The following GNAS variants were observed in gnomAD, a reference collection of about 807,000 sequenced individuals.
GNAS encodes GNAS complex locus.
In GNAS, 8 loss-of-function variants were observed where a neutral mutation model predicts 54.5. The observed-to-expected ratio is 0.15, with a 90% CI of 0.09 to 0.26. The LOEUF (loss-of-function observed/expected upper bound fraction) is 0.26. GNAS is among the 10% of genes least tolerant of loss of function. The probability of loss-of-function intolerance (pLI) is 1.00; values close to 1 mark genes in which losing one functional copy is unlikely to be tolerated. For missense variants in GNAS, 170 were observed against 529.8 expected, an observed-to-expected ratio of 0.32 and a Z score of 6.67; for synonymous variants, 204 against 191.4, an observed-to-expected ratio of 1.07 and a Z score of -0.54.
At chr20:58,845,582 C>A (rs1463531284) in intron 1 of GNAS, among the ~76,000 whole-genome samples, 1 of 152,120 alleles carries the variant, frequency 6.6e-6, no homozygotes, top group Admixed American at 6.5e-5. Flanking sequence ...TGATGTAGCA[C>A]CCATTTTTGT....
Position 58,841,523 on chromosome 20 carries a change from C to T in GNAS, c.43+637C>T, listed in dbSNP as rs2085727557. Reference sequence around the variant, plus strand: ...AAGCCGCGGGACCTCCGCGCCAGTGCCTCCAGCTGCCGTGCGCCAGCCTTG... The same window carrying T: ...AAGCCGCGGGACCTCCGCGCCAGTGTCTCCAGCTGCCGTGCGCCAGCCTTG... On this transcript the variant is annotated intron_variant, in intron 1 of 12. Coordinates refer to the GNAS transcript ENST00000306090. The surrounding 1 kb of genome is among the most constrained non-coding windows in gnomAD (Gnocchi z 5.0). 2.0e-6 allele frequency: 2 copies of T among 993,832 alleles called. No individual in the cohort carries two copies. The highest frequency in any genetic ancestry group is 2.4e-6 in the Non-Finnish European group (2 of 835,928). The allele number at this position is 993,832 out of a possible 1,614,324, so 61.6% of individuals were successfully genotyped here. A position where few individuals can be genotyped will look rare whatever the true frequency, so the allele number is the denominator to read the frequency against.
chr20:58,891,788 A>G lies in GNAS; in HGVS notation c.62A>G (p.Glu21Gly). 1.6e-6 allele frequency: 2 copies of G among 1,285,946 alleles called. No homozygotes were observed. The highest frequency in any genetic ancestry group is 6.2e-5 in the East Asian group (1 of 16,126). The allele number at this position is 1,285,946 out of a possible 1,614,324, so 79.7% of individuals were successfully genotyped here. A position where few individuals can be genotyped will look rare whatever the true frequency, so the allele number is the denominator to read the frequency against. ...DQRNEEKAQR[E>G]ANKKIEKQLQ... ...CGCAACGAGGAGAAGGCGCAGCGTG[A>G]GGCCAACAAAAAGATCGAGAAGCAG... Residue 21 changes from glutamate (E) to glycine (G), a missense_variant, in exon 1 of 13, where the codon GAG becomes GGG. Transcript: ENST00000371085.
intron 2 of GNAS, chr20:58,898,574 T>C (rs1025396176): frequency 2.6e-5 from 8 of 313,718 alleles, no homozygotes; most frequent in East Asian, 5.8e-5. Flanking sequence ...AGGAGCCTTA[T>C]GCGCTGCCAT....
intron 6 of GNAS, among the ~76,000 whole-genome samples, chr20:58,906,015 T>C (rs2091019190): frequency 6.6e-6 from 1 of 152,186 alleles, no homozygotes; most frequent in Non-Finnish European, 1.5e-5. Context: ...TTTTGTGTTG[T>C]CTTGACTTTT....
At chr20:58,892,293 T>G in intron 1 of GNAS, 1 of 552,340 alleles carries the variant, frequency 1.8e-6, no homozygotes, top group Non-Finnish European at 2.2e-6. Flanking sequence ...GGAAACCGGG[T>G]GGCGGGTAGA....
rs572668481 is a variant in GNAS, at chr20:58,865,788, GACCCTAACTAGA to G, written c.43+24904_43+24915del. ...TCTCAGAGAAGAAAGTGACCCAGATGACCCTAACTAGAATAGAAAAGGAAATTATTTCAGGGA... is the reference window on the plus strand; with the variant it reads ...TCTCAGAGAAGAAAGTGACCCAGATGATAGAAAAGGAAATTATTTCAGGGA... On this transcript the variant is annotated intron_variant, in intron 1 of 12. Coordinates refer to the GNAS transcript ENST00000306090. Among the ~76,000 whole-genome samples the G allele has an allele frequency of 4.6e-5, 7 of 152,084 alleles. No individual in the cohort carries two copies. In the South Asian group the frequency reaches 1.5e-3, roughly 32 times the overall value.
intron 3 of GNAS, chr20:58,899,591 T>C (rs768533488): frequency 1.1e-4 from 64 of 567,960 alleles, no homozygotes; most frequent in Non-Finnish European, 1.8e-4. Flanking sequence ...ATGGCATCTT[T>C]TATTTTTCCA....
intron 3 of GNAS, among the ~76,000 whole-genome samples, chr20:58,901,593 G>C (rs1031492334): frequency 7.0e-6 from 1 of 143,216 alleles, no homozygotes; most frequent in South Asian, 2.3e-4. Context: ...CCACTAATGA[G>C]CGTGGCCCCT....
At chr20:58,842,560 G>T (rs916470212) in intron 1 of GNAS, 4 of 398,502 alleles carry the variant, frequency 1.0e-5, no homozygotes, top group African/African-American at 6.2e-5. Context: ...TAAATACGGA[G>T]AAACTAGTTT....
At chr20:58,907,645 T>C (rs948055418) in intron 6 of GNAS, among the ~76,000 whole-genome samples, 3 of 152,228 alleles carry the variant, frequency 2.0e-5, no homozygotes, top group Non-Finnish European at 4.4e-5. Flanking sequence ...GGGGTTTTTT[T>C]AAGCAACACT....
chr20:58,842,018 C>G (rs1424347180), intron 1 of GNAS: 1 of 791,704 alleles, frequency 1.3e-6, no homozygotes, highest in Non-Finnish European at 1.7e-6. Context: ...GATCAGTCGT[C>G]GAAAAGGAGG....
At chr20:58,855,081 A>C (rs1366642093) in intron 1 of GNAS, 3 of 1,613,338 alleles carry the variant, frequency 1.9e-6, no homozygotes, top group Non-Finnish European at 2.5e-6. Flanking sequence ...GCCCCAGCGC[A>C]ACTTACTCCG....
At chr20:58,850,696 A>C (rs1741744982) in intron 1 of GNAS, 1 of 398,750 alleles carries the variant, frequency 2.5e-6, no homozygotes, top group Non-Finnish European at 4.4e-6. Flanking sequence ...TGGCTGGGTT[A>C]GCCTGCCGCC....
At chr20:58,850,934 T>C in intron 1 of GNAS, 1 of 398,578 alleles carries the variant, frequency 2.5e-6, no homozygotes, top group Non-Finnish European at 4.4e-6. Flanking sequence ...CGGTTTCCGG[T>C]CTGACGCCCC....
Position 58,840,911 on chromosome 20 carries a change from G to A in GNAS, c.43+25G>A, listed in dbSNP as rs1360521179. ...GGTTAGTTGCCCACCGCTAAACTGG[G>A]GAGCCTGAGGGCGGTGTGGGAGCAG... On this transcript the variant is annotated intron_variant, in intron 1 of 12. Coordinates refer to the GNAS transcript ENST00000306090. This position sits in a 1 kb window ranked among gnomAD's most constrained non-coding sequence, Gnocchi z 6.0. 1.2e-6 allele frequency: 2 copies of A among 1,610,382 alleles called. No homozygotes were observed. The highest frequency in any genetic ancestry group is 1.1e-5 in the South Asian group (1 of 90,660).
At chr20:58,864,489 C>A (rs1376339298) in intron 1 of GNAS, among the ~76,000 whole-genome samples, 1 of 152,116 alleles carries the variant, frequency 6.6e-6, no homozygotes, top group Non-Finnish European at 1.5e-5. Flanking sequence ...GTTCCTTTTG[C>A]CCACTGCCCC....
chr20:58,895,882 ATAC>A (rs936209656), intron 2 of GNAS, among the ~76,000 whole-genome samples, 198 bp downstream of exon 2: 18 of 152,242 alleles, frequency 1.2e-4, no homozygotes, highest in African/African-American at 4.3e-4. Flanking sequence ...GGTGCAACAA[ATAC>A]TACTGATGAA....
At chr20:58,891,320 T>TCCTCCTCCCCCCG (rs1555883584), upstream of GNAS, 1 of 128,654 alleles carries the variant, frequency 7.8e-6, no homozygotes, top group East Asian at 3.0e-4. Flanking sequence ...CGCCGCCTCC[T>TCCTCCTCCCCCCG]CCTCCCCCCG....
In GNAS at chr20:58,905,433, C is replaced by A; in HGVS notation, c.483C>A (p.Ala161=). The change falls in exon 6 of 13, where the codon GCC becomes GCA. Residue 161 remains alanine, a synonymous_variant. Transcript: ENST00000371085. ...KALWEDEGVR[A]CYERSNEYQL... ...TGTGGGAGGATGAAGGAGTGCGTGC[C>A]TGCTACGAACGCTCCAACGAGTACC... 2 of 1,610,568 alleles carry A rather than the reference C, an allele frequency of 1.2e-6. No individual in the cohort carries two copies. Among genetic ancestry groups the A allele is most frequent in the Non-Finnish European group, 1.7e-6 (2 of 1,176,764 alleles).
Sources: allele counts gnomAD v4.1 joint callset (sites outside exome capture counted in the v4.1 genomes callset), GRCh38; gene constraint gnomAD v4.1.1; non-coding constraint Gnocchi (gnomAD v3.1); transcripts MANE v1.5; gene names NCBI Gene and HGNC (gene_info 2026-07-23, HGNC 2026-07-21).